COL4A4: variants seen among roughly 807,000 people sequenced by gnomAD.
COL4A4 encodes collagen alpha-4(IV) chain.
A neutral mutation model predicts 192.9 loss-of-function variants in COL4A4; 105 were observed. That is an observed-to-expected ratio of 0.54 (90% CI 0.46 to 0.64). The LOEUF (loss-of-function observed/expected upper bound fraction) is 0.64, where lower values mean the gene tolerates loss of function less well. Among genes scored for constraint, COL4A4 ranks in the 30% least tolerant of loss-of-function variants. COL4A4 has a pLI of 0.00. For missense variants in COL4A4, 1,967 were observed against 2,169.3 expected, an observed-to-expected ratio of 0.91 and a Z score of 1.85; for synonymous variants, 762 against 769.9, an observed-to-expected ratio of 0.99 and a Z score of 0.17.
chr2:226,993,075 C>CA, the COL4A4 span, among the ~76,000 whole-genome samples: 1 of 152,242 alleles, frequency 6.6e-6, no homozygotes, highest in Non-Finnish European at 1.5e-5. Flanking sequence ...GAATGCCCTG[C>CA]AAATGGGTCC....
At chr2:226,987,349 A>C in the COL4A4 span, among the ~76,000 whole-genome samples, 751 of 152,342 alleles carry the variant, frequency 4.9e-3, 5 homozygotes, top group South Asian at 0.02. Context: ...TAAAAAAAAA[A>C]AATTGGGATG....
rs372558522 is a variant in COL4A4 at position 227,010,445 on chromosome 2, C to T, written c.4390G>A (p.Gly1464Ser). 1.8e-5 allele frequency: 29 copies of T among 1,613,450 alleles called. No homozygotes were observed. In the South Asian group the frequency reaches 2.3e-4, roughly 13 times the overall value. The change falls in exon 46 of 48, where the codon GGT becomes AGT. Residue 1464 changes from glycine to serine, a missense_variant. Coordinates refer to ENST00000396625, the MANE Select transcript of COL4A4 (RefSeq NM_000092.5). Reference protein sequence around the residue: ...GPKGFGPGYLGGFLLVLHSQT... With the variant: ...GPKGFGPGYLSGFLLVLHSQT... ...CTGTGGAGAACCAGGAGGAAGCCAC[C>T]GAGGTATCCAGGGCCAAACCCTTTG...
In COL4A4 at chr2:227,080,332, A is replaced by C. The variant is rs1048338965; in HGVS notation, c.1803+111T>G. 11 of 973,748 alleles carry C rather than the reference A, an allele frequency of 1.1e-5. No homozygotes were observed. In the African/African-American group the frequency reaches 1.3e-4, roughly 11 times the overall value. The allele number at this position is 973,748 out of a possible 1,614,324, so 60.3% of individuals were successfully genotyped here. A position where few individuals can be genotyped will look rare whatever the true frequency, so the allele number is the denominator to read the frequency against. ...GCCAAAAGTGACTCTGATTTATAGT[A>C]TGTTGATATTTTACTGAATTTCAGC... On this transcript the variant is annotated intron_variant, in intron 24 of 47. Coordinates refer to ENST00000396625, the MANE Select transcript of COL4A4 (RefSeq NM_000092.5).
At chr2:226,974,229 T>A in the COL4A4 span, among the ~76,000 whole-genome samples, 7 of 151,026 alleles carry the variant, frequency 4.6e-5, no homozygotes, top group Admixed American at 6.6e-5. Context: ...GCCCTTTTTT[T>A]ATTTTATTTT....
intron 4 of COL4A4, among the ~76,000 whole-genome samples, chr2:227,138,344 A>AG (rs898723854): frequency 6.7e-6 from 1 of 149,558 alleles, no homozygotes; most frequent in African/African-American, 2.5e-5. Context: ...GAAAAGAAAA[A>AG]GGTCTCTGGC....
the COL4A4 span, among the ~76,000 whole-genome samples, chr2:226,972,900 A>G: frequency 6.6e-6 from 1 of 151,014 alleles, no homozygotes; most frequent in Non-Finnish European, 1.5e-5. Flanking sequence ...TTTATCAACT[A>G]AAGTTAAAGA....
intron 1 of COL4A4, among the ~76,000 whole-genome samples, chr2:227,151,116 A>G (rs2063911194): frequency 6.6e-6 from 1 of 152,196 alleles, no homozygotes; most frequent in South Asian, 2.1e-4. Flanking sequence ...CAGGAATTTT[A>G]CATTGCTATT....
intron 24 of COL4A4, 88 bp downstream of exon 24, chr2:227,080,355 A>G: frequency 8.3e-7 from 1 of 1,209,936 alleles, no homozygotes. Flanking sequence ...ACTGAATTTC[A>G]GCTTGGCAAA....
intron 44 of COL4A4, among the ~76,000 whole-genome samples, chr2:227,018,837 A>C (rs149380611): frequency 1.8e-4 from 28 of 152,264 alleles, no homozygotes; most frequent in Middle Eastern, 3.4e-3. Flanking sequence ...AAGTCAGGGG[A>C]ATTAGAGATT....
Position 227,030,560 on chromosome 2 carries a change from G to T in COL4A4, c.3856C>A (p.Leu1286Ile). The T allele has an allele frequency of 6.2e-7, 1 of 1,613,858 alleles. No homozygotes were observed. Among genetic ancestry groups the T allele is most frequent in the Non-Finnish European group, 8.5e-7 (1 of 1,179,888 alleles). ...GPPGLPGSVDLLRGEPGDCGL... is the reference protein window; with the variant it reads ...GPPGLPGSVDILRGEPGDCGL... ...CAGTCACCTGGCTCCCCTCTCAGAA[G>T]GTCAACACTCCCAGGGAGGCCTGGA... The change falls in exon 41 of 48, where the codon CTT (leucine) becomes ATT (isoleucine). Residue 1286 changes from leucine (L) to isoleucine (I), a missense_variant. Physicochemically the swap from Leu to Ile is conservative, Grantham distance 5 (BLOSUM62 2). Coordinates refer to ENST00000396625, the MANE Select transcript of COL4A4 (RefSeq NM_000092.5).
At chr2:227,148,289 G>A (rs1282578699) in intron 1 of COL4A4, among the ~76,000 whole-genome samples, 4 of 152,120 alleles carry the variant, frequency 2.6e-5, no homozygotes, top group Non-Finnish European at 4.4e-5. Context: ...AGGAAAATAT[G>A]GTATATCCAT....
intron 23 of COL4A4, 125 bp downstream of exon 23, chr2:227,081,990 T>A: frequency 1.2e-6 from 1 of 869,198 alleles, no homozygotes; most frequent in Non-Finnish European, 2.0e-6. Flanking sequence ...AGTATTTTTT[T>A]AAGTAATCTC....
intron 43 of COL4A4, among the ~76,000 whole-genome samples, chr2:227,025,384 G>T (rs976886492): frequency 1.3e-5 from 2 of 152,192 alleles, no homozygotes; most frequent in Admixed American, 6.5e-5. Context: ...GGAAAGGCTT[G>T]TCACAGCCCC....
rs7597336 is a variant in COL4A4 at position 227,077,803 on chromosome 2, A to G, written c.1987+91T>C. On this transcript the variant is annotated intron_variant, in intron 25 of 47. Coordinates refer to ENST00000396625, the MANE Select transcript of COL4A4 (RefSeq NM_000092.5). The stretch of plus-strand genomic sequence containing the variant: ...CGGGTGACAGGTACACTAAAATCTC[A>G]GAATTCACCACTATATAATTCTTCC... The G allele has an allele frequency of 0.13, 153,637 of 1,217,962 alleles. 11,192 individuals are homozygous for G. The highest frequency in any genetic ancestry group is 0.28 in the African/African-American group (18,275 of 66,072). The allele number at this position is 1,217,962 out of a possible 1,614,324, so 75.4% of individuals were successfully genotyped here.
rs182420300 is a variant in COL4A4, at chr2:227,019,175, A to G, written c.4216+2873T>C. Among the ~76,000 whole-genome samples, 53 of 152,236 alleles carry G rather than the reference A, an allele frequency of 3.5e-4. 1 individual carries two copies. The highest frequency in any genetic ancestry group is 3.4e-3 in the Middle Eastern group (1 of 294). On this transcript the variant is annotated intron_variant, in intron 44 of 47. Coordinates refer to ENST00000396625, the MANE Select transcript of COL4A4 (RefSeq NM_000092.5). ...CAGGCTCTGCCACCTTCCACATTCTATTGGTCTGAGATTAGGCCGAGGTAC... is the reference window on the plus strand; with the variant it reads ...CAGGCTCTGCCACCTTCCACATTCTGTTGGTCTGAGATTAGGCCGAGGTAC...
At chr2:227,041,850 G>C (rs374653426) in intron 37 of COL4A4, among the ~76,000 whole-genome samples, 1 of 64,086 alleles carries the variant, frequency 1.6e-5, no homozygotes, top group East Asian at 4.0e-4. Context: ...GAAAGAAAGA[G>C]AAAGAAAGAA....
intron 3 of COL4A4, among the ~76,000 whole-genome samples, chr2:227,142,848 A>G (rs750146303): frequency 5.3e-5 from 8 of 152,136 alleles, no homozygotes; most frequent in Non-Finnish European, 1.2e-4. Flanking sequence ...TAATATAGAC[A>G]CATAATTTTA....
intron 28 of COL4A4, among the ~76,000 whole-genome samples, chr2:227,058,284 G>T (rs1372869963): frequency 6.6e-6 from 1 of 152,146 alleles, no homozygotes; most frequent in Non-Finnish European, 1.5e-5. Flanking sequence ...GTGTGTGTGT[G>T]TGTCTGTCTT....
At chr2:226,977,868 T>C in the COL4A4 span, among the ~76,000 whole-genome samples, 119 of 152,358 alleles carry the variant, frequency 7.8e-4, no homozygotes, top group African/African-American at 2.7e-3. Flanking sequence ...AATAGTACCA[T>C]TGTAAACATG....
Sources: allele counts gnomAD v4.1 joint callset (sites outside exome capture counted in the v4.1 genomes callset), GRCh38; gene constraint gnomAD v4.1.1; transcripts MANE v1.5; gene names NCBI Gene and HGNC (gene_info 2026-07-23, HGNC 2026-07-21).